PCDH9: variants seen among roughly 807,000 people sequenced by gnomAD.
The protein encoded by PCDH9 is protocadherin 9.
A neutral mutation model predicts 70.6 loss-of-function variants in PCDH9; 24 were observed. The ratio of observed to expected loss-of-function variants is 0.34; its 90% CI spans 0.25 to 0.48. The LOEUF (loss-of-function observed/expected upper bound fraction) is 0.48, where lower values mean the gene tolerates loss of function less well. PCDH9 is among the 20% of genes least tolerant of loss of function. PCDH9 has a pLI of 0.99. For synonymous variants in PCDH9, 562 were observed against 558.5 expected, an observed-to-expected ratio of 1.01 and a Z score of -0.09; for missense variants, 1,281 against 1,503.6, an observed-to-expected ratio of 0.85 and a Z score of 2.45.
Position 66,485,292 on chromosome 13 carries a change from T to C in PCDH9, c.3340+145918A>G, listed in dbSNP as rs538356335. Among the ~76,000 whole-genome samples, 6 of 152,370 alleles carry C rather than the reference T, an allele frequency of 3.9e-5. 1 individual carries two copies. The South Asian group carries it at 1.2e-3, about 32-fold the overall frequency. On this transcript the variant is annotated intron_variant, in intron 4 of 4. Coordinates refer to ENST00000377865, the MANE Select transcript of PCDH9 (RefSeq NM_203487.3). ...TTTCCTTCACAGTCTTTTCATGTAC[T>C]AATTGCTATAAAATTTACCTTTAAA...
chr13:66,571,098 A>C (rs2076727017), intron 4 of PCDH9, among the ~76,000 whole-genome samples: 1 of 152,070 alleles, frequency 6.6e-6, no homozygotes, highest in Non-Finnish European at 1.5e-5. Flanking sequence ...TAAAAGTAAC[A>C]AGAATTGTTG....
intron 2 of PCDH9, among the ~76,000 whole-genome samples, chr13:66,972,997 C>G (rs889556488): frequency 6.6e-6 from 1 of 151,968 alleles, no homozygotes; most frequent in East Asian, 1.9e-4. Flanking sequence ...GACTTTCTTT[C>G]TTTCCCTGTT....
intron 3 of PCDH9, among the ~76,000 whole-genome samples, chr13:66,864,701 G>T (rs999536557): frequency 3.3e-5 from 5 of 152,098 alleles, no homozygotes; most frequent in South Asian, 4.1e-4. Context: ...TAATCACAAG[G>T]CTCATTTAGT....
chr13:67,156,309 G>A (rs1594587932), intron 2 of PCDH9, among the ~76,000 whole-genome samples: 1 of 152,164 alleles, frequency 6.6e-6, no homozygotes, highest in Non-Finnish European at 1.5e-5. Flanking sequence ...GAGGCAGGGG[G>A]ATGTCAAATG....
At chr13:66,873,917 T>G (rs534466543) in intron 3 of PCDH9, among the ~76,000 whole-genome samples, 1 of 148,168 alleles carries the variant, frequency 6.7e-6, no homozygotes, top group African/African-American at 2.5e-5. Context: ...TCTTTTCGTT[T>G]CTTTTTTTTT....
chr13:66,620,460 G>T (rs985585402), intron 4 of PCDH9, among the ~76,000 whole-genome samples: 1 of 152,010 alleles, frequency 6.6e-6, no homozygotes, highest in African/African-American at 2.4e-5. Flanking sequence ...GGACAAAGAA[G>T]GCTACATTGC....
intron 2 of PCDH9, among the ~76,000 whole-genome samples, chr13:67,157,350 A>C (rs1016797238): frequency 5.9e-5 from 9 of 152,196 alleles, no homozygotes; most frequent in Non-Finnish European, 1.3e-4. Context: ...TCTTATATTC[A>C]TTTGTTAAAA....
intron 3 of PCDH9, among the ~76,000 whole-genome samples, chr13:66,705,827 T>G (rs1487982569): frequency 6.6e-6 from 1 of 152,174 alleles, no homozygotes; most frequent in African/African-American, 2.4e-5. Flanking sequence ...ATTATAAACA[T>G]AAGAATTGCA....
intron 3 of PCDH9, among the ~76,000 whole-genome samples, chr13:66,822,138 A>G (rs376178364): frequency 1.0e-3 from 153 of 147,872 alleles, no homozygotes; most frequent in African/African-American, 2.7e-3. Flanking sequence ...ACACACGCGC[A>G]CACACACACA....
intron 4 of PCDH9, among the ~76,000 whole-genome samples, chr13:66,351,433 G>A (rs745660377): frequency 2.6e-5 from 4 of 152,088 alleles, no homozygotes; most frequent in Admixed American, 1.3e-4. Context: ...TGTATATTTC[G>A]AGTAAGTAAT....
intron 4 of PCDH9, among the ~76,000 whole-genome samples, chr13:66,454,386 T>A (rs1958275982): frequency 6.6e-6 from 1 of 152,158 alleles, no homozygotes; most frequent in Non-Finnish European, 1.5e-5. Context: ...TACAATTATA[T>A]GACATTAGAG....
At chr13:66,660,748 GA>G (rs2077997075) in intron 3 of PCDH9, among the ~76,000 whole-genome samples, 1 of 151,978 alleles carries the variant, frequency 6.6e-6, no homozygotes, top group African/African-American at 2.4e-5. Context: ...AAATAGAAGG[GA>G]GGATATCAGT....
In PCDH9 at chr13:66,749,701, C is replaced by G. The variant is rs182037452; in HGVS notation, c.3139-118290G>C. Among the ~76,000 whole-genome samples the G allele has an allele frequency of 4.3e-4, 65 of 152,216 alleles. No individual in the cohort carries two copies. The East Asian group carries it at 5.2e-3, about 12-fold the overall frequency. ...CTAAATTTAGGAATGAATGCCTATA[C>G]TAGAAGATGGATGCCTACCCCTTAC... is the stretch of plus-strand genomic sequence containing the variant. On this transcript the variant is annotated intron_variant, in intron 3 of 4. Coordinates refer to ENST00000377865, the MANE Select transcript of PCDH9 (RefSeq NM_203487.3).
At chr13:66,882,695 T>C (rs2081941429) in intron 3 of PCDH9, among the ~76,000 whole-genome samples, 2 of 152,132 alleles carry the variant, frequency 1.3e-5, no homozygotes, top group Admixed American at 1.3e-4. Context: ...TGGCAATGTG[T>C]TCACTGGTTT....
chr13:67,069,450 C>G (rs1189502743), intron 2 of PCDH9, among the ~76,000 whole-genome samples: 3 of 152,072 alleles, frequency 2.0e-5, no homozygotes, highest in Non-Finnish European at 4.4e-5. Flanking sequence ...AAAATTAACT[C>G]TAATGTTTTT....
chr13:66,569,512 A>T (rs2076702724), intron 4 of PCDH9, among the ~76,000 whole-genome samples: 1 of 152,174 alleles, frequency 6.6e-6, no homozygotes, highest in Admixed American at 6.5e-5. Flanking sequence ...GTGTCATTAT[A>T]TGTCATTGTA....
chr13:66,591,118 G>C (rs1228819224), intron 4 of PCDH9, among the ~76,000 whole-genome samples: 1 of 151,466 alleles, frequency 6.6e-6, no homozygotes, highest in Admixed American at 6.6e-5. Flanking sequence ...TTCTATATTT[G>C]TTTCAGTTAA....
chr13:66,653,385 A>G (rs1355942939), intron 3 of PCDH9, among the ~76,000 whole-genome samples: 1 of 152,238 alleles, frequency 6.6e-6, no homozygotes, highest in Non-Finnish European at 1.5e-5. Flanking sequence ...GAAGACATAC[A>G]TATGGCAAAC....
At chr13:66,461,356 C>T (rs1418787121) in intron 4 of PCDH9, among the ~76,000 whole-genome samples, 2 of 151,692 alleles carry the variant, frequency 1.3e-5, no homozygotes, top group African/African-American at 4.8e-5. Context: ...GGACACTATA[C>T]ATTTCTATTC....
Sources: gnomAD v4.1 joint callset for allele counts (sites outside exome capture counted in the v4.1 genomes callset) on GRCh38, gnomAD v4.1.1 for gene constraint, MANE v1.5 for transcripts, NCBI Gene and HGNC (gene_info 2026-07-23, HGNC 2026-07-21) for gene names.